The following NAALADL2 variants were observed in gnomAD, a reference collection of about 807,000 sequenced individuals.
NAALADL2 encodes the protein N-acetylated alpha-linked acidic dipeptidase like 2, also known as inactive N-acetylated-alpha-linked acidic dipeptidase-like protein 2.
Under a neutral mutation model 87.2 loss-of-function variants are expected in NAALADL2, and 76 were observed. The ratio of observed to expected loss-of-function variants is 0.87; its 90% CI spans 0.72 to 1.05. The LOEUF (loss-of-function observed/expected upper bound fraction) is 1.05. NAALADL2 is among the 50% of genes least tolerant of loss of function. The pLI is 0.00. For synonymous variants in NAALADL2, 354 were observed against 331.0 expected, an observed-to-expected ratio of 1.07 and a Z score of -0.75; for missense variants, 1,089 against 945.8, an observed-to-expected ratio of 1.15 and a Z score of -1.99.
At chr3:175,002,663 A>C (rs1748407010) in intron 1 of NAALADL2, among the ~76,000 whole-genome samples, 1 of 152,218 alleles carries the variant, frequency 6.6e-6, no homozygotes, top group Non-Finnish European at 1.5e-5. Context: ...TGTAATAAAG[A>C]ATCTCTGCTG....
intron 6 of NAALADL2, among the ~76,000 whole-genome samples, chr3:175,448,891 A>AT (rs1721100259): frequency 6.6e-6 from 1 of 151,702 alleles, no homozygotes; most frequent in South Asian, 2.1e-4. Flanking sequence ...AAAAGTATAT[A>AT]TTTTTGTAGC....
chr3:175,525,749 C>A (rs947984773), intron 9 of NAALADL2, among the ~76,000 whole-genome samples: 3 of 151,900 alleles, frequency 2.0e-5, no homozygotes, highest in African/African-American at 7.3e-5. Flanking sequence ...CTATAGAACA[C>A]CTAATTAAAA....
rs1440721016 is a variant in NAALADL2 at position 174,787,105 on chromosome 3, T to C, written c.-9+49359T>C. 3.3e-5 allele frequency among the ~76,000 whole-genome samples: 5 copies of C among 152,142 alleles called. No individual in the cohort carries two copies. The South Asian group carries it at 8.3e-4, about 25-fold the overall frequency. On this transcript the variant is annotated intron_variant, in intron 3 of 3. Transcript: ENST00000434257. Reference sequence around the variant, plus strand: ...CCAAAGCAAATACAATATATTGCTTTACAGACATATGAAGTGAAATGACCC... The same window carrying C: ...CCAAAGCAAATACAATATATTGCTTCACAGACATATGAAGTGAAATGACCC...
chr3:175,656,115 A>G (rs574721020), intron 11 of NAALADL2, among the ~76,000 whole-genome samples: 2 of 152,334 alleles, frequency 1.3e-5, no homozygotes, highest in South Asian at 4.1e-4. Context: ...ACTTAAGTCT[A>G]GTATACTATT....
chr3:175,457,142 G>A (rs948664598), intron 6 of NAALADL2, among the ~76,000 whole-genome samples: 3 of 152,070 alleles, frequency 2.0e-5, no homozygotes, highest in East Asian at 1.9e-4. Flanking sequence ...TGGATCCAAC[G>A]TTCGTCACTG....
At chr3:175,774,415 AAGTT>A (rs1749935153) in intron 13 of NAALADL2, among the ~76,000 whole-genome samples, 1 of 152,038 alleles carries the variant, frequency 6.6e-6, no homozygotes, top group Non-Finnish European at 1.5e-5. Context: ...TTAAAAGAAA[AAGTT>A]AAACAAAAAT....
chr3:175,188,889 G>C (rs1291735893), intron 2 of NAALADL2, among the ~76,000 whole-genome samples: 3 of 151,618 alleles, frequency 2.0e-5, no homozygotes, highest in Admixed American at 6.6e-5. Context: ...TGATCTCCAG[G>C]ACCCAAGCCC....
chr3:175,303,320 G>A (rs1757314641), intron 4 of NAALADL2, among the ~76,000 whole-genome samples: 1 of 151,962 alleles, frequency 6.6e-6, no homozygotes, highest in African/African-American at 2.4e-5. Flanking sequence ...AATAAATGGT[G>A]GTCATTTCCA....
At chr3:175,013,266 T>TA in intron 1 of NAALADL2, among the ~76,000 whole-genome samples, 1 of 100,296 alleles carries the variant, frequency 1.0e-5, no homozygotes, top group Admixed American at 1.2e-4. Flanking sequence ...TACATATATT[T>TA]TTATATATAT....
At chr3:175,245,802 C>T (rs899981485) in intron 3 of NAALADL2, among the ~76,000 whole-genome samples, 1 of 152,238 alleles carries the variant, frequency 6.6e-6, no homozygotes, top group African/African-American at 2.4e-5. Flanking sequence ...AGTCCACTAG[C>T]TAGTGTCCCT....
chr3:175,558,599 A>T (rs1396134181), intron 9 of NAALADL2, among the ~76,000 whole-genome samples: 1 of 152,152 alleles, frequency 6.6e-6, no homozygotes, highest in Non-Finnish European at 1.5e-5. Context: ...TGATTTTTGT[A>T]TATGGTGAGA....
At chr3:174,521,486 G>T (rs1720281316) in intron 1 of NAALADL2, among the ~76,000 whole-genome samples, 1 of 149,354 alleles carries the variant, frequency 6.7e-6, no homozygotes, top group Non-Finnish European at 1.5e-5. Flanking sequence ...GAATCGCTTG[G>T]GCTTGAGCCT....
intron 2 of NAALADL2, among the ~76,000 whole-genome samples, chr3:174,712,036 C>G (rs200943848): frequency 6.6e-6 from 1 of 152,044 alleles, no homozygotes; most frequent in African/African-American, 2.4e-5. Context: ...ATCCACCCAC[C>G]TCGGCCTCCC....
At chr3:175,579,234 C>T (rs989133888) in intron 10 of NAALADL2, among the ~76,000 whole-genome samples, 34 of 150,860 alleles carry the variant, frequency 2.3e-4, no homozygotes, top group African/African-American at 7.7e-4. Context: ...ATCTATCATC[C>T]AGTGAGATTG....
rs530662194 is a variant in NAALADL2, at chr3:174,885,055, A to AT, written c.43+25606dup. Among the ~76,000 whole-genome samples the AT allele has an allele frequency of 3.3e-5, 5 of 152,156 alleles. No homozygotes were observed. In the East Asian group the frequency reaches 9.7e-4, roughly 30 times the overall value. ...GGAGGGGATGTTGCCTCTGCTGGGG[A>AT]TGGGGAAGTTGTTTCTTCTGGCAAA... On this transcript the variant is annotated intron_variant, in intron 1 of 13. Transcript: ENST00000454872.
chr3:174,618,169 T>C (rs887533482), intron 2 of NAALADL2, among the ~76,000 whole-genome samples: 4 of 151,694 alleles, frequency 2.6e-5, no homozygotes, highest in African/African-American at 9.7e-5. Context: ...TCTTGAAGGG[T>C]ATATACAAAA....
intron 4 of NAALADL2, among the ~76,000 whole-genome samples, chr3:175,306,403 T>C (rs904146998): frequency 2.0e-5 from 3 of 152,220 alleles, no homozygotes; most frequent in African/African-American, 7.2e-5. Context: ...GGGTGACTTA[T>C]GAATTCCTTC....
intron 2 of NAALADL2, among the ~76,000 whole-genome samples, chr3:174,612,225 C>G (rs1438125225): frequency 6.6e-6 from 1 of 151,992 alleles, no homozygotes; most frequent in African/African-American, 2.4e-5. Context: ...GATCCTTTAT[C>G]CTTGACCTTT....
intron 11 of NAALADL2, among the ~76,000 whole-genome samples, chr3:175,667,743 GT>G (rs58514374): frequency 0.14 from 17,388 of 119,956 alleles, 2,000 homozygotes; most frequent in African/African-American, 0.35. Context: ...GTTTTTTGCT[GT>G]TTTTTTTTTT....
Sources: allele counts gnomAD v4.1 joint callset (sites outside exome capture counted in the v4.1 genomes callset), GRCh38; gene constraint gnomAD v4.1.1; transcripts MANE v1.5; gene names NCBI Gene and HGNC (gene_info 2026-07-23, HGNC 2026-07-21).